Variants in CD58 observed in about 807,000 individuals in gnomAD.
The protein encoded by CD58 is CD58 molecule.
In CD58, 14 loss-of-function variants were observed where a neutral mutation model predicts 27.6. The observed-to-expected ratio is 0.51, with a 90% confidence interval of 0.34 to 0.79. CD58 has a LOEUF of 0.79. Among genes scored for constraint, CD58 ranks in the 30% least tolerant of loss-of-function variants. The pLI, the probability that CD58 is intolerant of heterozygous loss-of-function variation, is 0.02. For synonymous variants in CD58, 117 were observed against 103.8 expected (o/e 1.13, Z -0.77); for missense variants, 268 against 301.7 (o/e 0.89, Z 0.83).
chr1:116,551,689 T>A (rs1368104430), intron 1 of CD58, among the ~76,000 whole-genome samples: 1 of 151,934 alleles, frequency 6.6e-6, no homozygotes, highest in Non-Finnish European at 1.5e-5. Flanking sequence ...CTCTTTGGCA[T>A]AAAAGGCCTA....
chr1:116,535,127 A>G (rs545321785), intron 3 of CD58, among the ~76,000 whole-genome samples: 2 of 152,382 alleles, frequency 1.3e-5, no homozygotes, highest in African/African-American at 4.8e-5. Flanking sequence ...ATACTAAAAC[A>G]ACATTAGAAA....
intron 3 of CD58, chr1:116,533,696 TCTC>T (rs1341661624): frequency 8.8e-6 from 6 of 683,494 alleles, no homozygotes; most frequent in African/African-American, 7.0e-5. Flanking sequence ...CCAGCCAATT[TCTC>T]CTCCTCTTCA....
intron 1 of CD58, among the ~76,000 whole-genome samples, chr1:116,555,457 C>G (rs564107066): frequency 1.3e-5 from 2 of 152,016 alleles, no homozygotes; most frequent in African/African-American, 4.8e-5. Context: ...TGTTTAAAAG[C>G]AAAGAGAGAT....
Position 116,544,429 on chromosome 1 carries a change from A to G in CD58, c.246T>C (p.Tyr82=). 1 of 1,613,984 alleles carries G rather than the reference A, an allele frequency of 6.2e-7. No homozygotes were observed. The highest frequency in any genetic ancestry group is 1.1e-5 in the South Asian group (1 of 91,078). ...TGAGGCTACCTGACACAGTGTCTAA[A>G]TAAACCCTATTTTTAAAAGATGAGA... The part of the protein sequence containing the change: ...RAFSSFKNRV[Y]LDTVSGSLTI... Residue 82 remains tyrosine (Y), a synonymous_variant, in exon 2 of 6, where the codon TAT becomes TAC. Coordinates refer to ENST00000369489, the MANE Select transcript of CD58 (RefSeq NM_001779.3).
intron 1 of CD58, among the ~76,000 whole-genome samples, chr1:116,553,735 G>C (rs1658468109): frequency 6.6e-6 from 1 of 152,190 alleles, no homozygotes; most frequent in Admixed American, 6.5e-5. Context: ...ATACAGATTT[G>C]GGAGTCATCA....
At position 116,531,231 on chromosome 1, in the gene CD58, CAT is replaced by C. The variant is rs1319015621; in HGVS notation, c.628+4732_628+4733del. Among the ~76,000 whole-genome samples the C allele has an allele frequency of 6.6e-6, 1 of 152,110 alleles. No homozygotes were observed. Among genetic ancestry groups the C allele is most frequent in the African/African-American group, 2.4e-5 (1 of 41,434 alleles). ...TTCTAATGGCAAACATAAAGTTAAA[CAT>C]AAAGTTTTGCAAGGGCAAAACCTTT... On this transcript the variant is annotated intron_variant, in intron 3 of 5. Transcript: ENST00000369489. The surrounding 1 kb of genome is among the most constrained non-coding windows in gnomAD (Gnocchi z 4.5).
chr1:116,517,349 T>A lies in CD58; in HGVS notation c.743+1882A>T, dbSNP rs1657111704. On this transcript the variant is annotated intron_variant, in intron 5 of 5. Coordinates refer to ENST00000369489, the MANE Select transcript of CD58 (RefSeq NM_001779.3). The surrounding 1 kb of genome is among the most constrained non-coding windows in gnomAD (Gnocchi z 6.5). ...TGGCCTTGGGTCCTCCCAGCTTGGG[T>A]CTGTGGCCGGCTGAGCTGCCCCTTG... Among the ~76,000 whole-genome samples the A allele has an allele frequency of 6.6e-6, 1 of 152,122 alleles. No homozygotes were observed.
chr1:116,549,128 T>C (rs1337656986), intron 1 of CD58, among the ~76,000 whole-genome samples: 4 of 152,220 alleles, frequency 2.6e-5, no homozygotes, highest in Admixed American at 6.5e-5. Context: ...ATCTATTCTA[T>C]ATAAGATCCT....
intron 1 of CD58, among the ~76,000 whole-genome samples, chr1:116,555,885 G>A (rs189305259): frequency 1.7e-4 from 26 of 152,184 alleles, no homozygotes; most frequent in Admixed American, 5.9e-4. Flanking sequence ...AGATTGACTG[G>A]TACTTTTTTT....
intron 5 of CD58, among the ~76,000 whole-genome samples, chr1:116,518,211 T>C (rs1042796945): frequency 6.2e-4 from 95 of 152,154 alleles, no homozygotes; most frequent in African/African-American, 2.1e-3. Flanking sequence ...ACCAGGGAGT[T>C]TGGCATCAGA....
At position 116,563,694 on chromosome 1, in the gene CD58, G is replaced by A. The variant is rs889717387; in HGVS notation, c.70+7209C>T. Among the ~76,000 whole-genome samples, 4 of 152,202 alleles carry A rather than the reference G, an allele frequency of 2.6e-5. No individual in the cohort carries two copies. The highest frequency in any genetic ancestry group is 5.9e-5 in the Non-Finnish European group (4 of 68,036). Reference sequence around the variant, plus strand: ...GGTATGTTGGCCCCTTTTAGCCATGGCTGGAGCTAAAACAGCTGGCATGCA... The same window carrying A: ...GGTATGTTGGCCCCTTTTAGCCATGACTGGAGCTAAAACAGCTGGCATGCA... On this transcript the variant is annotated intron_variant, in intron 1 of 5. Coordinates refer to ENST00000369489, the MANE Select transcript of CD58 (RefSeq NM_001779.3). This position sits in a 1 kb window ranked among gnomAD's most constrained non-coding sequence, Gnocchi z 4.1.
At chr1:116,564,301 TA>T (rs1333038086) in intron 1 of CD58, among the ~76,000 whole-genome samples, 1 of 151,992 alleles carries the variant, frequency 6.6e-6, no homozygotes, top group African/African-American at 2.4e-5. Context: ...AACAAGTCTC[TA>T]GGAAGTTCCA....
Position 116,532,706 on chromosome 1 carries a change from G to A in CD58, c.628+3259C>T, listed in dbSNP as rs74111625. Among the ~76,000 whole-genome samples, 6,742 of 152,296 alleles carry A rather than the reference G, an allele frequency of 0.044. 483 individuals carry two copies. The highest frequency in any genetic ancestry group is 0.15 in the African/African-American group (6,322 of 41,558). On this transcript the variant is annotated intron_variant, in intron 3 of 5. Coordinates refer to ENST00000369489, the MANE Select transcript of CD58 (RefSeq NM_001779.3). The surrounding 1 kb of genome is among the most constrained non-coding windows in gnomAD (Gnocchi z 5.1). ...GAGCTACAGGCACCAAGGCTGCAGAGGGTATTGGACAAAACCTCCTATTTC... is the reference window on the plus strand; with the variant it reads ...GAGCTACAGGCACCAAGGCTGCAGAAGGTATTGGACAAAACCTCCTATTTC...
At chr1:116,553,544 C>A (rs547764064) in intron 1 of CD58, among the ~76,000 whole-genome samples, 30 of 152,238 alleles carry the variant, frequency 2.0e-4, no homozygotes, top group African/African-American at 7.0e-4. Context: ...ACAGCTCTTA[C>A]TTCCTCCTAG....
Position 116,527,785 on chromosome 1 carries a change from G to A in CD58, c.629-5802C>T, listed in dbSNP as rs940133894. Among the ~76,000 whole-genome samples the A allele has an allele frequency of 6.6e-6, 1 of 152,266 alleles. No homozygotes were observed. The highest frequency in any genetic ancestry group is 1.9e-4 in the East Asian group (1 of 5,186). On this transcript the variant is annotated intron_variant, in intron 3 of 5. Coordinates refer to ENST00000369489, the MANE Select transcript of CD58 (RefSeq NM_001779.3). This position sits in a 1 kb window ranked among gnomAD's most constrained non-coding sequence, Gnocchi z 4.4. ...TAAATATCTGGTAGAATTCACCAATGAACCCATCTGAACCTGGTGCTTTCT... is the reference window on the plus strand; with the variant it reads ...TAAATATCTGGTAGAATTCACCAATAAACCCATCTGAACCTGGTGCTTTCT...
Position 116,531,947 on chromosome 1 carries a change from C to G in CD58, c.628+4018G>C, listed in dbSNP as rs557255976. ...GAAACCCCACTCACCAGCCACCAAC[C>G]GGTCACACCAACCAGGACCTTCAGA... On this transcript the variant is annotated intron_variant, in intron 3 of 5. Transcript: ENST00000369489. The surrounding 1 kb of genome is among the most constrained non-coding windows in gnomAD (Gnocchi z 4.5). Among the ~76,000 whole-genome samples, 2 of 152,328 alleles carry G rather than the reference C, an allele frequency of 1.3e-5. No homozygotes were observed. Among genetic ancestry groups the G allele is most frequent in the South Asian group, 4.1e-4 (2 of 4,830 alleles).
rs1038691916 is a variant in CD58 at position 116,550,184 on chromosome 1, A to T, written c.71-5580T>A. On this transcript the variant is annotated intron_variant, in intron 1 of 5. Transcript: ENST00000369489. This position sits in a 1 kb window ranked among gnomAD's most constrained non-coding sequence, Gnocchi z 4.2. ...TGTGGCAATTTCTTAAAAGAAGACA[A>T]TGATGAGTTTTGCTGCATCAATGGA... Among the ~76,000 whole-genome samples, 3 of 152,228 alleles carry T rather than the reference A, an allele frequency of 2.0e-5. No homozygotes were observed. In the East Asian group the frequency reaches 5.8e-4, roughly 29 times the overall value.
At chr1:116,518,209 G>T (rs1224520898) in intron 5 of CD58, among the ~76,000 whole-genome samples, 1 of 152,086 alleles carries the variant, frequency 6.6e-6, no homozygotes, top group Non-Finnish European at 1.5e-5. Context: ...GAACCAGGGA[G>T]TTTGGCATCA....
rs757541879 is a variant in CD58, at chr1:116,571,006, G to A, written c.-34C>T. The A allele has an allele frequency of 1.3e-6, 2 of 1,515,454 alleles. No individual in the cohort carries two copies. The highest frequency in any genetic ancestry group is 1.2e-5 in the South Asian group (1 of 82,628). The allele number at this position is 1,515,454 out of a possible 1,614,324, so 93.9% of individuals were successfully genotyped here. ...GGGCCGGCCTCTGCGCGAGTGCCCAGCCACAAGCAGCCCTAAGTTCAAGCA... is the reference window on the plus strand; with the variant it reads ...GGGCCGGCCTCTGCGCGAGTGCCCAACCACAAGCAGCCCTAAGTTCAAGCA... On this transcript the variant is annotated 5_prime_UTR_variant, in exon 1 of 6. Coordinates refer to ENST00000369489, the MANE Select transcript of CD58 (RefSeq NM_001779.3).
Sources: allele counts gnomAD v4.1 joint callset (sites outside exome capture counted in the v4.1 genomes callset), GRCh38; gene constraint gnomAD v4.1.1; non-coding constraint Gnocchi (gnomAD v3.1); transcripts MANE v1.5; gene names NCBI Gene and HGNC (gene_info 2026-07-23, HGNC 2026-07-21).